The following PLTP variants were observed in gnomAD, a reference collection of about 807,000 sequenced individuals.
The protein encoded by PLTP is BPI fold containing family E.
In PLTP, 43 loss-of-function variants were observed where a neutral mutation model predicts 54.1. The ratio of observed to expected loss-of-function variants is 0.79; its 90% confidence interval spans 0.62 to 1.02. The LOEUF (loss-of-function observed/expected upper bound fraction) is 1.02, where lower values mean the gene tolerates loss of function less well. Among genes scored for constraint, PLTP ranks in the 50% least tolerant of loss-of-function variants. PLTP has a pLI of 0.00. For missense variants in PLTP, 604 were observed against 645.9 expected (o/e 0.94, Z 0.70); for synonymous variants, 263 against 264.6 (o/e 0.99, Z 0.06).
Position 45,909,562 on chromosome 20 carries a change from G to C in PLTP, c.439C>G (p.Gln147Glu), listed in dbSNP as rs757314282. ...GCGTGCATTCTGGAGACAGAGGCCT[G>C]GCAGGAGACATTGGACACTTTCATC... Reference protein sequence around the residue: ...GRMKVSNVSCQASVSRMHAAF... With the variant: ...GRMKVSNVSCEASVSRMHAAF... The change falls in exon 5 of 16, where the codon CAG becomes GAG. Residue 147 changes from glutamine to glutamate, a missense_variant. By Grantham distance (29) the Gln-to-Glu change is conservative. Coordinates refer to ENST00000372431, the MANE Select transcript of PLTP (RefSeq NM_006227.4). 9.3e-6 allele frequency: 15 copies of C among 1,614,082 alleles called. No individual in the cohort carries two copies. In the African/African-American group the frequency reaches 1.7e-4, roughly 19 times the overall value.
intron 3 of PLTP, chr20:45,910,894 C>T: frequency 6.5e-6 from 9 of 1,384,018 alleles, no homozygotes; most frequent in Non-Finnish European, 8.4e-6. Flanking sequence ...TTCGACCACG[C>T]CTCACATCCA....
chr20:45,909,688 T>C lies in PLTP; in HGVS notation c.330-17A>G, dbSNP rs370746057. 1 of 1,613,970 alleles carries C rather than the reference T, an allele frequency of 6.2e-7. No individual in the cohort carries two copies. Among genetic ancestry groups the C allele is most frequent in the South Asian group, 1.1e-5 (1 of 91,084 alleles). On this transcript the variant is annotated splice_polypyrimidine_tract_variant and intron_variant, in intron 4 of 15. Transcript: ENST00000372431. ...CCATCATAGCTGCCAGGGGGGTTAA[T>C]ATTCACTCCAGGTAGGAGCTCAATT...
chr20:45,904,379 T>C (rs2145834476), intron 10 of PLTP, among the ~76,000 whole-genome samples: 1 of 152,176 alleles, frequency 6.6e-6, no homozygotes, highest in African/African-American at 2.4e-5. Flanking sequence ...GGAGGATGGC[T>C]TGAGCCCTGG....
At chr20:45,909,860 C>CT in intron 4 of PLTP, 82 bp downstream of exon 4, 1 of 1,561,402 alleles carries the variant, frequency 6.4e-7, no homozygotes, top group Non-Finnish European at 8.8e-7. Context: ...CTCAGGAAGG[C>CT]TAAGGGGGCT....
chr20:45,902,886 A>G (rs1212661890), intron 10 of PLTP, among the ~76,000 whole-genome samples: 1 of 152,106 alleles, frequency 6.6e-6, no homozygotes, highest in East Asian at 1.9e-4. Flanking sequence ...TCCTTTTTGC[A>G]TTAGTATCTC....
chr20:45,906,890 C>CA (rs746783296), intron 7 of PLTP, among the ~76,000 whole-genome samples: 8,528 of 40,892 alleles, frequency 0.21, 1,579 homozygotes, highest in Non-Finnish European at 0.33. Context: ...GACTCCATCT[C>CA]AAAAAAAAAA....
Position 45,909,682 on chromosome 20 carries a change from G to C in PLTP, c.330-11C>G. 6.2e-7 allele frequency: 1 copy of C among 1,613,972 alleles called. No homozygotes were observed. The highest frequency in any genetic ancestry group is 1.1e-5 in the South Asian group (1 of 91,080). ...TAGCCCCCATCATAGCTGCCAGGGG[G>C]GTTAATATTCACTCCAGGTAGGAGC... On this transcript the variant is annotated splice_polypyrimidine_tract_variant and intron_variant, in intron 4 of 15. Transcript: ENST00000372431.
rs541113399 is a variant in PLTP, at chr20:45,909,530, G to T, written c.471C>A (p.Phe157Leu). Reference protein sequence around the residue: ...QASVSRMHAAFGGTFKKVYDF... With the variant: ...QASVSRMHAALGGTFKKVYDF... ...CTGGGGCTTACTTGAAGGTTCCCCCGAAGGCCGCGTGCATTCTGGAGACAG... is the reference window on the plus strand; with the variant it reads ...CTGGGGCTTACTTGAAGGTTCCCCCTAAGGCCGCGTGCATTCTGGAGACAG... The change falls in exon 5 of 16, where the codon TTC (phenylalanine) becomes TTA (leucine). Residue 157 changes from phenylalanine (F) to leucine (L), a missense_variant. Transcript: ENST00000372431. 5.6e-6 allele frequency: 9 copies of T among 1,614,112 alleles called. No individual in the cohort carries two copies. The highest frequency in any genetic ancestry group is 1.3e-5 in the African/African-American group (1 of 75,034).
rs765860401 is a variant in PLTP, at chr20:45,898,967, G to C, written c.1456C>G (p.Pro486Ala). Residue 486 changes from proline (P) to alanine (A), a missense_variant, in exon 16 of 16, where the codon CCC (proline) becomes GCC (alanine). By Grantham distance (27) the Pro-to-Ala change is conservative (BLOSUM62 -1). Transcript: ENST00000372431. This position sits in a 1 kb window ranked among gnomAD's most constrained non-coding sequence, Gnocchi z 4.6. ...CAGACAGCTGCTGTGGACGGTGTGGGGGCAGTGGACGCCCTGACATCAGCA... is the reference window on the plus strand; with the variant it reads ...CAGACAGCTGCTGTGGACGGTGTGGCGGCAGTGGACGCCCTGACATCAGCA... The part of the protein sequence containing the change: ...RPADVRASTA[P>A]TPSTAAV 5.6e-6 allele frequency: 9 copies of C among 1,614,092 alleles called. No homozygotes were observed. The highest frequency in any genetic ancestry group is 7.6e-6 in the Non-Finnish European group (9 of 1,180,010).
intron 7 of PLTP, 26 bp downstream of exon 7, chr20:45,907,666 C>A: frequency 1.2e-6 from 2 of 1,610,102 alleles, no homozygotes; most frequent in Non-Finnish European, 8.5e-7. Context: ...CAGCTGCACA[C>A]CCAGACTCAC....
At chr20:45,910,385 G>A (rs1471627569) in intron 3 of PLTP, among the ~76,000 whole-genome samples, 2 of 152,132 alleles carry the variant, frequency 1.3e-5, no homozygotes, top group Non-Finnish European at 2.9e-5. Flanking sequence ...GGAGGCCGAG[G>A]AGGGCGGATC....
At chr20:45,906,911 A>AAAGATGGCAT (rs2083245260) in intron 7 of PLTP, among the ~76,000 whole-genome samples, 2 of 123,418 alleles carry the variant, frequency 1.6e-5, no homozygotes, top group African/African-American at 5.2e-5. Context: ...AAAAAAAAAA[A>AAAGATGGCAT]AGATGGCATG....
intron 15 of PLTP, 100 bp downstream of exon 15, chr20:45,899,362 G>T (rs188099273): frequency 1.6e-6 from 2 of 1,278,030 alleles, no homozygotes; most frequent in South Asian, 1.2e-5. Flanking sequence ...TGGGAGGGGC[G>T]ACTGGTAATG....
At chr20:45,906,135 G>A (rs2083236161) in intron 8 of PLTP, 133 bp downstream of exon 8, 3 of 726,590 alleles carry the variant, frequency 4.1e-6, no homozygotes, top group Non-Finnish European at 7.6e-6. Flanking sequence ...TGTAGTAACA[G>A]GGAGCCATAG....
At position 45,902,253 on chromosome 20, in the gene PLTP, G is replaced by GT. The variant is rs1324746139; in HGVS notation, c.1175+13dup. The stretch of plus-strand genomic sequence containing the variant: ...CCTCCAATCACTGAGGTGCAGGGAA[G>GT]TGCGCCTGCCTACCTGCGCAGGTCC... On this transcript the variant is annotated intron_variant, in intron 12 of 15. Transcript: ENST00000372431. 1 of 1,613,084 alleles carries GT rather than the reference G, an allele frequency of 6.2e-7. No individual in the cohort carries two copies. The highest frequency in any genetic ancestry group is 2.2e-5 in the East Asian group (1 of 44,870).
intron 15 of PLTP, 63 bp from the exon 16 acceptor site, chr20:45,899,126 C>G: frequency 6.2e-7 from 1 of 1,604,208 alleles, no homozygotes. Flanking sequence ...GTTTAGAGAT[C>G]AAGAGACAGA....
chr20:45,910,958 G>C, intron 3 of PLTP, 194 bp downstream of exon 3: 2 of 1,465,512 alleles, frequency 1.4e-6, no homozygotes, highest in East Asian at 2.5e-5. Flanking sequence ...ACGCCCATCT[G>C]CCTGGTCCCG....
intron 10 of PLTP, among the ~76,000 whole-genome samples, chr20:45,903,411 G>T (rs767882429): frequency 6.6e-6 from 1 of 152,094 alleles, no homozygotes; most frequent in African/African-American, 2.4e-5. Context: ...TTGTGTTTTC[G>T]TAGAGACGGG....
At chr20:45,910,146 CCCTTT>C in intron 3 of PLTP, 76 bp from the exon 4 acceptor site, 1 of 1,534,096 alleles carries the variant, frequency 6.5e-7, no homozygotes, top group South Asian at 1.1e-5. Flanking sequence ...TTGTCTGCTC[CCCTTT>C]CAAGTCCAGG....
Sources: gnomAD v4.1 joint callset for allele counts (sites outside exome capture counted in the v4.1 genomes callset) on GRCh38, gnomAD v4.1.1 for gene constraint, Gnocchi (gnomAD v3.1) non-coding constraint, MANE v1.5 for transcripts, NCBI Gene and HGNC (gene_info 2026-07-23, HGNC 2026-07-21) for gene names.